The following JARID2 variants were observed in gnomAD, a reference collection of about 807,000 sequenced individuals.
The protein encoded by JARID2 is protein Jumonji.
A neutral mutation model predicts 125.6 loss-of-function variants in JARID2; 21 were observed. That is an observed-to-expected ratio of 0.17 (90% CI 0.12 to 0.24). JARID2 has a LOEUF of 0.24. Ranked by LOEUF, JARID2 falls within the 10% of genes least tolerant of loss-of-function variation. The probability of loss-of-function intolerance (pLI) is 1.00; values close to 1 mark genes in which losing one functional copy is unlikely to be tolerated. For synonymous variants in JARID2, 736 were observed against 661.6 expected (o/e 1.11, Z -1.73); for missense variants, 1,303 against 1,639.6 (o/e 0.79, Z 3.55).
chr6:15,357,650 A>T (rs1763650103), intron 1 of JARID2, among the ~76,000 whole-genome samples: 1 of 152,188 alleles, frequency 6.6e-6, no homozygotes, highest in African/African-American at 2.4e-5. Flanking sequence ...ATTCTGTATC[A>T]AATTTAGGGG....
intron 2 of JARID2, among the ~76,000 whole-genome samples, chr6:15,383,023 T>C (rs1464177635): frequency 6.6e-6 from 1 of 152,078 alleles, no homozygotes; most frequent in Non-Finnish European, 1.5e-5. Flanking sequence ...AGGTGGTCTG[T>C]GTAGGGAGAC....
chr6:15,305,503 A>T (rs141449405), intron 1 of JARID2, among the ~76,000 whole-genome samples: 2 of 152,274 alleles, frequency 1.3e-5, no homozygotes, highest in East Asian at 3.9e-4. Flanking sequence ...CTTAGCTTAG[A>T]GTTAAAATTG....
intron 3 of JARID2, among the ~76,000 whole-genome samples, chr6:15,450,661 T>C (rs1767880685): frequency 6.6e-6 from 1 of 152,178 alleles, no homozygotes; most frequent in African/African-American, 2.4e-5. Context: ...GGTGAACAGT[T>C]TAAAGTAGGG....
chr6:15,275,074 A>G (rs6921502), intron 1 of JARID2, among the ~76,000 whole-genome samples: 82,116 of 152,016 alleles, frequency 0.54, 22,455 homozygotes, highest in African/African-American at 0.64. Flanking sequence ...GGTTACCTCC[A>G]TCTCTGTGAC....
At chr6:15,439,006 T>C (rs1404859242) in intron 3 of JARID2, among the ~76,000 whole-genome samples, 1 of 141,872 alleles carries the variant, frequency 7.0e-6, no homozygotes, top group African/African-American at 2.7e-5. Context: ...CACTCCAGCC[T>C]GGGTGACAGA....
At chr6:15,505,638 C>A (rs1427959932) in intron 9 of JARID2, among the ~76,000 whole-genome samples, 1 of 152,256 alleles carries the variant, frequency 6.6e-6, no homozygotes, top group Non-Finnish European at 1.5e-5. Flanking sequence ...ACGCCATTTT[C>A]ATCGTCTTAG....
intron 2 of JARID2, among the ~76,000 whole-genome samples, chr6:15,386,320 G>A (rs1446889058): frequency 6.7e-6 from 1 of 149,094 alleles, no homozygotes; most frequent in East Asian, 2.0e-4. Context: ...GGGTGTGTGT[G>A]TATGTGTGTG....
intron 3 of JARID2, among the ~76,000 whole-genome samples, chr6:15,435,722 T>A (rs1334232979): frequency 2.6e-5 from 4 of 152,024 alleles, no homozygotes; most frequent in South Asian, 2.1e-4. Context: ...TTTATTTTTT[T>A]AATTTTAAAT....
At chr6:15,301,927 T>TA (rs1402895118) in intron 1 of JARID2, among the ~76,000 whole-genome samples, 1 of 152,238 alleles carries the variant, frequency 6.6e-6, no homozygotes, top group African/African-American at 2.4e-5. Context: ...TTGTGAATTT[T>TA]ACGTTGGTAT....
At chr6:15,432,824 C>G (rs376623864) in intron 3 of JARID2, among the ~76,000 whole-genome samples, 3 of 152,208 alleles carry the variant, frequency 2.0e-5, no homozygotes, top group Non-Finnish European at 4.4e-5. Flanking sequence ...CTGTTAAAAG[C>G]TACTTAAAAG....
rs114226600 is a variant in JARID2, at chr6:15,391,063, A to G, written c.181+16811A>G. 2.3e-3 allele frequency among the ~76,000 whole-genome samples: 351 copies of G among 152,326 alleles called. 1 individual carries two copies. Among genetic ancestry groups the G allele is most frequent in the African/African-American group, 8.0e-3 (333 of 41,566 alleles). ...GGCGATCATTATTGAGGTTGTAGAT[A>G]TACAGTACCCCGTGACTTCCTATTT... On this transcript the variant is annotated intron_variant, in intron 2 of 17. Transcript: ENST00000341776.
chr6:15,357,068 A>G (rs794788), intron 1 of JARID2, among the ~76,000 whole-genome samples: 120,776 of 152,158 alleles, frequency 0.79, 48,009 homozygotes, highest in East Asian at 0.84. Context: ...TTACTTGGCT[A>G]TGTGTTCTAA....
chr6:15,370,395 G>A (rs1423278398), intron 1 of JARID2, among the ~76,000 whole-genome samples: 4 of 141,970 alleles, frequency 2.8e-5, no homozygotes, highest in African/African-American at 1.0e-4. Flanking sequence ...GCAGTGGCAC[G>A]ATCTCTGCAC....
chr6:15,272,428 G>A (rs1175927785), intron 1 of JARID2, among the ~76,000 whole-genome samples: 1 of 152,176 alleles, frequency 6.6e-6, no homozygotes, highest in African/African-American at 2.4e-5. Flanking sequence ...CACCTTGAAA[G>A]CTTATATAGT....
At chr6:15,398,455 C>T (rs1182369082) in intron 2 of JARID2, among the ~76,000 whole-genome samples, 1 of 152,136 alleles carries the variant, frequency 6.6e-6, no homozygotes, top group Non-Finnish European at 1.5e-5. Flanking sequence ...TAGTGTTATT[C>T]TTGGTCTTCC....
intron 3 of JARID2, among the ~76,000 whole-genome samples, chr6:15,422,678 A>G (rs1029734893): frequency 3.9e-5 from 6 of 152,118 alleles, no homozygotes; most frequent in Non-Finnish European, 5.9e-5. Flanking sequence ...CTGCTTCCCC[A>G]TCAGGAAATA....
At chr6:15,309,574 GA>G (rs1761945858) in intron 1 of JARID2, among the ~76,000 whole-genome samples, 2 of 152,024 alleles carry the variant, frequency 1.3e-5, no homozygotes, top group South Asian at 4.1e-4. Context: ...AAGCAAGTGA[GA>G]AAACAGTATT....
chr6:15,278,249 A>G (rs1022279713), intron 1 of JARID2, among the ~76,000 whole-genome samples: 2 of 151,406 alleles, frequency 1.3e-5, no homozygotes, highest in African/African-American at 4.9e-5. Context: ...AAAGAAAGAA[A>G]GGTGAGCTGG....
Position 15,504,437 on chromosome 6 carries a change from G to A in JARID2, c.2449-63G>A, listed in dbSNP as rs577268134. 3.2e-6 allele frequency: 4 copies of A among 1,231,966 alleles called. No individual in the cohort carries two copies. In the South Asian group the frequency reaches 3.6e-5, roughly 11 times the overall value. The allele number at this position is 1,231,966 out of a possible 1,614,324, so 76.3% of individuals were successfully genotyped here. A position where few individuals can be genotyped will look rare whatever the true frequency, so the allele number is the denominator to read the frequency against. The stretch of plus-strand genomic sequence containing the variant: ...GGCAGCGGCCCATGACAGGTGTCTG[G>A]CCTCATTTGCAGTAGGGTTCAGCTT... On this transcript the variant is annotated intron_variant, in intron 8 of 17. Transcript: ENST00000341776.
Sources: allele counts gnomAD v4.1 joint callset (sites outside exome capture counted in the v4.1 genomes callset), GRCh38; gene constraint gnomAD v4.1.1; transcripts MANE v1.5; gene names NCBI Gene and HGNC (gene_info 2026-07-23, HGNC 2026-07-21).